Variants in MAGI1 observed in about 807,000 individuals in gnomAD.
MAGI1 encodes membrane associated guanylate kinase, WW and PDZ domain containing 1.
A neutral mutation model predicts 139.9 loss-of-function variants in MAGI1; 58 were observed. The ratio of observed to expected loss-of-function variants is 0.41; its 90% confidence interval spans 0.34 to 0.52. The LOEUF (loss-of-function observed/expected upper bound fraction) is 0.52, where lower values mean the gene tolerates loss of function less well. MAGI1 is among the 20% of genes least tolerant of loss of function. The pLI, the probability that MAGI1 is intolerant of heterozygous loss-of-function variation, is 0.12. For synonymous variants in MAGI1, 812 were observed against 737.9 expected (o/e 1.10, Z -1.63); for missense variants, 1,874 against 1,901.6 (o/e 0.99, Z 0.27).
intron 2 of MAGI1, among the ~76,000 whole-genome samples, chr3:65,501,536 A>G (rs114564622): frequency 0.016 from 2,376 of 152,030 alleles, 69 homozygotes; most frequent in African/African-American, 0.054. Context: ...AGAATGGTTT[A>G]AAAATGTTTC....
At chr3:65,425,618 C>T (rs1946987315) in intron 12 of MAGI1, among the ~76,000 whole-genome samples, 3 of 152,140 alleles carry the variant, frequency 2.0e-5, no homozygotes. Flanking sequence ...AGGTCAGCTC[C>T]TGGTATCCCA....
At chr3:65,692,754 G>A (rs759113487) in intron 1 of MAGI1, among the ~76,000 whole-genome samples, 4 of 152,114 alleles carry the variant, frequency 2.6e-5, no homozygotes, top group Non-Finnish European at 2.9e-5. Flanking sequence ...GTTGTCATGA[G>A]ACTGAGTCTG....
chr3:65,802,917 T>C (rs2040609525), intron 1 of MAGI1, among the ~76,000 whole-genome samples: 1 of 150,638 alleles, frequency 6.6e-6, no homozygotes, highest in South Asian at 2.1e-4. Flanking sequence ...AACTCATCTA[T>C]GGTGAAAAAC....
chr3:65,725,457 A>C (rs1197222033), intron 1 of MAGI1, among the ~76,000 whole-genome samples: 1 of 152,204 alleles, frequency 6.6e-6, no homozygotes, highest in Admixed American at 6.5e-5. Context: ...ATCTTGTTAC[A>C]TGTCTAACAA....
At chr3:65,481,197 T>TA (rs1484694249) in intron 3 of MAGI1, among the ~76,000 whole-genome samples, 1 of 152,180 alleles carries the variant, frequency 6.6e-6, no homozygotes, top group African/African-American at 2.4e-5. Context: ...GTTTCCAACT[T>TA]ACAGGCGCTA....
At chr3:65,854,100 T>C (rs1249102904) in intron 1 of MAGI1, among the ~76,000 whole-genome samples, 1 of 150,886 alleles carries the variant, frequency 6.6e-6, no homozygotes, top group Non-Finnish European at 1.5e-5. Context: ...AGAGCGAGAC[T>C]CTGTCTCAAA....
At chr3:65,374,905 T>G (rs1225940889) in intron 18 of MAGI1, among the ~76,000 whole-genome samples, 1 of 152,200 alleles carries the variant, frequency 6.6e-6, no homozygotes, top group Non-Finnish European at 1.5e-5. Context: ...GAGATTTCAT[T>G]CTTTCTTCAT....
At chr3:65,541,848 T>G (rs1303296438) in intron 2 of MAGI1, among the ~76,000 whole-genome samples, 4 of 152,178 alleles carry the variant, frequency 2.6e-5, no homozygotes, top group Non-Finnish European at 1.5e-5. Context: ...GCATTCCCTT[T>G]GAAAATGGGA....
In MAGI1 at chr3:65,442,785, C is replaced by T. The variant is rs773392451; in HGVS notation, c.1136+7G>A. 11 of 1,607,626 alleles carry T rather than the reference C, an allele frequency of 6.8e-6. No individual in the cohort carries two copies. The highest frequency in any genetic ancestry group is 1.3e-5 in the African/African-American group (1 of 74,844). On this transcript the variant is annotated splice_region_variant and intron_variant, in intron 8 of 22. Transcript: ENST00000402939. ...AACTAATGTGTGGATTGTGAATGGGCACTTACTCTACATAGTAGATACCAT... is the reference window on the plus strand; with the variant it reads ...AACTAATGTGTGGATTGTGAATGGGTACTTACTCTACATAGTAGATACCAT...
chr3:65,936,210 C>A (rs1210494416), intron 1 of MAGI1, among the ~76,000 whole-genome samples: 3 of 152,126 alleles, frequency 2.0e-5, no homozygotes, highest in Non-Finnish European at 4.4e-5. Flanking sequence ...GTACCTATGC[C>A]AACAAACCTC....
Position 65,597,492 on chromosome 3 carries a change from AT to A in MAGI1, c.430+24479del, listed in dbSNP as rs972727934. On this transcript the variant is annotated intron_variant, in intron 2 of 22. Coordinates refer to ENST00000402939, the MANE Select transcript of MAGI1 (RefSeq NM_001033057.2). The stretch of plus-strand genomic sequence containing the variant: ...GCCTCTCCCTATCCACTGACCTCTG[AT>A]TTTTTTTTCTCCCCCCTCCCCCTTC... 5.6e-3 allele frequency among the ~76,000 whole-genome samples: 820 copies of A among 145,696 alleles called. 8 individuals carry two copies. Among genetic ancestry groups the A allele is most frequent in the African/African-American group, 0.02 (791 of 39,232 alleles).
chr3:65,613,358 T>G (rs527934456), intron 2 of MAGI1, among the ~76,000 whole-genome samples: 2 of 152,314 alleles, frequency 1.3e-5, no homozygotes, highest in Middle Eastern at 3.4e-3. Flanking sequence ...TATTATTAAG[T>G]GGTGAGGTCT....
chr3:65,531,095 T>C (rs2078692754), intron 2 of MAGI1, among the ~76,000 whole-genome samples: 2 of 151,878 alleles, frequency 1.3e-5, no homozygotes. Context: ...CTGCTTACCA[T>C]TAATTAAGTA....
chr3:65,644,365 G>C (rs1379750141), intron 1 of MAGI1, among the ~76,000 whole-genome samples: 3 of 133,290 alleles, frequency 2.3e-5, no homozygotes, highest in African/African-American at 8.3e-5. Flanking sequence ...ATGATTCAAG[G>C]AACAATTATG....
intron 1 of MAGI1, among the ~76,000 whole-genome samples, chr3:66,009,730 T>A (rs1010395343): frequency 2.0e-5 from 3 of 152,130 alleles, no homozygotes; most frequent in African/African-American, 7.2e-5. Context: ...AGCACTGTGG[T>A]TCTCAACCTG....
intron 2 of MAGI1, among the ~76,000 whole-genome samples, chr3:65,591,294 T>C (rs1014383949): frequency 1.3e-5 from 2 of 152,080 alleles, no homozygotes; most frequent in Non-Finnish European, 2.9e-5. Flanking sequence ...CTTCCAGTTG[T>C]TCATGTTAAA....
At chr3:65,566,079 C>G (rs1482125969) in intron 2 of MAGI1, among the ~76,000 whole-genome samples, 1 of 151,690 alleles carries the variant, frequency 6.6e-6, no homozygotes, top group Non-Finnish European at 1.5e-5. Flanking sequence ...TATGGTGAAA[C>G]CCCATCTCTA....
At chr3:66,028,527 C>T (rs2068416555) in intron 1 of MAGI1, among the ~76,000 whole-genome samples, 1 of 109,384 alleles carries the variant, frequency 9.1e-6, no homozygotes, top group African/African-American at 2.8e-5. Flanking sequence ...AGCCCCACTG[C>T]TTCCCCAGCC....
chr3:65,591,009 A>G (rs2081942341), intron 2 of MAGI1, among the ~76,000 whole-genome samples: 1 of 152,200 alleles, frequency 6.6e-6, no homozygotes, highest in East Asian at 1.9e-4. Context: ...TGCCACTCTC[A>G]GGAGTTTAAC....
Sources: gnomAD v4.1 joint callset for allele counts (sites outside exome capture counted in the v4.1 genomes callset) on GRCh38, gnomAD v4.1.1 for gene constraint, MANE v1.5 for transcripts, NCBI Gene and HGNC (gene_info 2026-07-23, HGNC 2026-07-21) for gene names.